The following UBE4A variants were observed in gnomAD, a reference collection of about 807,000 sequenced individuals.
The protein encoded by UBE4A is ubiquitination factor E4A.
In UBE4A, 48 loss-of-function variants were observed where a neutral mutation model predicts 117.9. The ratio of observed to expected loss-of-function variants is 0.41; its 90% confidence interval spans 0.32 to 0.52. The LOEUF (loss-of-function observed/expected upper bound fraction) is 0.52. Among genes scored for constraint, UBE4A ranks in the 20% least tolerant of loss-of-function variants. The pLI is 0.33. For missense variants in UBE4A, 1,067 were observed against 1,296.3 expected, an observed-to-expected ratio of 0.82 and a Z score of 2.72; for synonymous variants, 407 against 450.0, an observed-to-expected ratio of 0.90 and a Z score of 1.21.
Position 118,392,871 on chromosome 11 carries a change from C to G in UBE4A, c.3050C>G (p.Ser1017Cys), listed in dbSNP as rs1555128844. The G allele has an allele frequency of 6.2e-7, 1 of 1,613,984 alleles. No homozygotes were observed. The highest frequency in any genetic ancestry group is 8.5e-7 in the Non-Finnish European group (1 of 1,179,994). The part of the protein sequence containing the change: ...LPSSRVTVDR[S>C]TIARHLLSDQ... ...TCTTCCAGAGTCACTGTGGATAGAT[C>G]CACCATTGCAAGACATTTGCTCAGG... Residue 1017 changes from serine to cysteine, a missense_variant, in exon 19 of 20, where the codon TCC (serine) becomes TGC (cysteine). Around this residue, in one of 3 missense-constraint regions of UBE4A, gnomAD observed 34 missense variants for 77.7 expected, o/e 0.44. Coordinates refer to ENST00000252108, the MANE Select transcript of UBE4A (RefSeq NM_001204077.2).
At chr11:118,372,121 G>A (rs925319656) in intron 5 of UBE4A, among the ~76,000 whole-genome samples, 14 of 152,160 alleles carry the variant, frequency 9.2e-5, no homozygotes, top group Admixed American at 2.0e-4. Context: ...CGGGCATGGT[G>A]GCACACATTT....
chr11:118,373,853 TC>T (rs1948629262), intron 8 of UBE4A, 168 bp downstream of exon 8: 11 of 533,898 alleles, frequency 2.1e-5, no homozygotes, highest in Non-Finnish European at 2.6e-5. Flanking sequence ...AAGCCTGTAA[TC>T]CCGGCACTTT....
In UBE4A at chr11:118,397,790, AAATAG is replaced by A. The variant is rs1490989474; in HGVS notation, c.*1351_*1355del. On this transcript the variant is annotated 3_prime_UTR_variant, in exon 20 of 20. Coordinates refer to ENST00000252108, the MANE Select transcript of UBE4A (RefSeq NM_001204077.2). ...TTATTAACTATGGTCTCTTTCAAAT[AAATAG>A]TAGTTTTATATTTCAACACAAGTTG... The A allele has an allele frequency of 6.6e-6, 1 of 152,204 alleles. No individual in the cohort carries two copies. The highest frequency in any genetic ancestry group is 1.5e-5 in the Non-Finnish European group (1 of 68,044). The allele number at this position is 152,204 out of a possible 1,614,324, so 9.4% of individuals were successfully genotyped here. A position where few individuals can be genotyped will look rare whatever the true frequency, so the allele number is the denominator to read the frequency against.
rs1948682116 is a variant in UBE4A, at chr11:118,379,523, C to T, written c.1649C>T (p.Ser550Phe). Residue 550 changes from serine to phenylalanine, a missense_variant, in exon 11 of 20, where the codon TCT (serine) becomes TTT (phenylalanine). Coordinates refer to ENST00000252108, the MANE Select transcript of UBE4A (RefSeq NM_001204077.2). ...QVAWRDAQQSSSPAADNLREQ... is the reference protein window; with the variant it reads ...QVAWRDAQQSFSPAADNLREQ... ...GCCTGGCGGGATGCTCAGCAAAGTT[C>T]TAGCCCTGCTGCTGACAATCTTCGT... 2 of 1,614,200 alleles carry T rather than the reference C, an allele frequency of 1.2e-6. No homozygotes were observed. The highest frequency in any genetic ancestry group is 1.7e-6 in the Non-Finnish European group (2 of 1,180,026).
At chr11:118,384,997 TCAG>T in intron 15 of UBE4A, 52 bp downstream of exon 15, 1 of 1,443,116 alleles carries the variant, frequency 6.9e-7, no homozygotes, top group Non-Finnish European at 9.5e-7. Context: ...CATCAAATCA[TCAG>T]CAGTACATAC....
At position 118,398,946 on chromosome 11, in the gene UBE4A, C is replaced by T. The variant is rs1487304770; in HGVS notation, c.*2506C>T. The T allele has an allele frequency of 2.7e-6, 1 of 372,980 alleles. No individual in the cohort carries two copies. The highest frequency in any genetic ancestry group is 5.5e-6 in the Non-Finnish European group (1 of 181,800). 23.1% of individuals were successfully genotyped at this position (372,980 alleles called of 1,614,324 possible). ...TATTTGATGGTGGTTGCTAAGCAGCCATTGCACAGAGCATAAGTCTACTGG... is the reference window on the plus strand; with the variant it reads ...TATTTGATGGTGGTTGCTAAGCAGCTATTGCACAGAGCATAAGTCTACTGG... On this transcript the variant is annotated 3_prime_UTR_variant, in exon 20 of 20. Transcript: ENST00000252108.
At chr11:118,370,457 A>G (rs1471380507) in intron 4 of UBE4A, among the ~76,000 whole-genome samples, 1 of 152,076 alleles carries the variant, frequency 6.6e-6, no homozygotes, top group East Asian at 1.9e-4. Context: ...ATGTTTCTAC[A>G]AAAAATACAA....
intron 6 of UBE4A, 99 bp from the exon 7 acceptor site, chr11:118,372,987 A>T (rs1352397978): frequency 1.4e-5 from 5 of 360,356 alleles, no homozygotes; most frequent in Non-Finnish European, 1.8e-5. Flanking sequence ...CCCAGCTCTA[A>T]AAAAAAAAAA....
chr11:118,382,700 T>G lies in UBE4A; in HGVS notation c.2121T>G (p.Arg707=), dbSNP rs915645863. The G allele has an allele frequency of 3.7e-6, 6 of 1,605,674 alleles. No homozygotes were observed. The highest frequency in any genetic ancestry group is 1.3e-5 in the African/African-American group (1 of 74,668). ...TATCCAGTGTGTTCCACCGGAAACG[T>G]GTGTTCTGCAACTTTCAGTATGCAC... is the stretch of plus-strand genomic sequence containing the variant. ...PLVSSVFHRK[R]VFCNFQYAPQ... Residue 707 remains arginine (R), a synonymous_variant, in exon 13 of 20, where the codon CGT becomes CGG. Coordinates refer to ENST00000252108, the MANE Select transcript of UBE4A (RefSeq NM_001204077.2).
chr11:118,396,061 C>T lies in UBE4A; in HGVS notation c.3075-253C>T, dbSNP rs540191377. ...CTGCACTCCATCCTGGGTGCCACTGCACCAGCCTGGGCGACAGGGCAAGAC... is the reference window on the plus strand; with the variant it reads ...CTGCACTCCATCCTGGGTGCCACTGTACCAGCCTGGGCGACAGGGCAAGAC... On this transcript the variant is annotated intron_variant, in intron 19 of 19. Transcript: ENST00000252108. 2.3e-4 allele frequency among the ~76,000 whole-genome samples: 35 copies of T among 149,246 alleles called. 1 individual carries two copies. In the East Asian group the frequency reaches 6.9e-3, roughly 29 times the overall value.
intron 1 of UBE4A, among the ~76,000 whole-genome samples, chr11:118,363,508 G>A (rs954407111): frequency 6.6e-6 from 1 of 151,996 alleles, no homozygotes; most frequent in African/African-American, 2.4e-5. Flanking sequence ...TGGCAGAGGA[G>A]CATGAAGCAA....
intron 5 of UBE4A, 88 bp from the exon 6 acceptor site, chr11:118,372,419 T>G: frequency 1.5e-6 from 2 of 1,329,886 alleles, no homozygotes; most frequent in Non-Finnish European, 1.0e-6. Flanking sequence ...AGGAGACCAG[T>G]ATGTCTCTTC....
chr11:118,364,562 A>G lies in UBE4A; in HGVS notation c.-41-478A>G, dbSNP rs540073197. On this transcript the variant is annotated intron_variant, in intron 1 of 19. Coordinates refer to ENST00000252108, the MANE Select transcript of UBE4A (RefSeq NM_001204077.2). Reference sequence around the variant, plus strand: ...TACTTAATTTATATGTAGCTGAGAAATATCCATCCCCAGCCCTAAGTCATA... The same window carrying G: ...TACTTAATTTATATGTAGCTGAGAAGTATCCATCCCCAGCCCTAAGTCATA... 9.2e-5 allele frequency among the ~76,000 whole-genome samples: 14 copies of G among 152,204 alleles called. 1 individual carries two copies. The South Asian group carries it at 1.7e-3, about 18-fold the overall frequency.
intron 16 of UBE4A, 47 bp from the exon 17 acceptor site, chr11:118,389,678 A>T: frequency 1.3e-6 from 2 of 1,485,812 alleles, no homozygotes; most frequent in Non-Finnish European, 1.8e-6. Context: ...AATAAGGAAA[A>T]GAGTGCTAAT....
chr11:118,376,052 G>C (rs1484897526), intron 9 of UBE4A, among the ~76,000 whole-genome samples: 1 of 152,174 alleles, frequency 6.6e-6, no homozygotes, highest in Admixed American at 6.5e-5. Context: ...CTTGACTAAG[G>C]AATGGTGAGA....
intron 17 of UBE4A, 148 bp from the exon 18 acceptor site, chr11:118,390,509 A>G (rs1948805088): frequency 5.4e-6 from 1 of 185,514 alleles, no homozygotes; most frequent in Admixed American, 4.9e-5. Flanking sequence ...ATATATTATA[A>G]ATAATATATA....
At chr11:118,373,359 A>T in intron 7 of UBE4A, 71 bp downstream of exon 7, 1 of 1,546,432 alleles carries the variant, frequency 6.5e-7, no homozygotes, top group Admixed American at 1.9e-5. Flanking sequence ...TATCCTGAAG[A>T]CACTATAATA....
chr11:118,375,146 G>A lies in UBE4A; in HGVS notation c.1367G>A (p.Arg456Gln), dbSNP rs1555125175. The change falls in exon 9 of 20, where the codon CGG becomes CAG. Residue 456 changes from arginine (R) to glutamine (Q), a missense_variant. Arg to Gln is a conservative substitution (Grantham distance 43, BLOSUM62 1). Around this residue, in one of 3 missense-constraint regions of UBE4A, gnomAD observed 1,001 missense variants for 1,184.0 expected, o/e 0.85. Transcript: ENST00000252108. ...CCATTTTGCAAACCCAGATCCTCTCGGCTCCTCACCTTTAATCCCACATAC... is the reference window on the plus strand; with the variant it reads ...CCATTTTGCAAACCCAGATCCTCTCAGCTCCTCACCTTTAATCCCACATAC... ...CQPFCKPRSS[R>Q]LLTFNPTYCA... 9 of 1,614,022 alleles carry A rather than the reference G, an allele frequency of 5.6e-6. No homozygotes were observed. The highest frequency in any genetic ancestry group is 1.1e-5 in the South Asian group (1 of 91,070).
intron 1 of UBE4A, 30 bp from the exon 2 acceptor site, chr11:118,365,010 T>A: frequency 6.5e-7 from 1 of 1,527,516 alleles, no homozygotes; most frequent in East Asian, 2.4e-5. Context: ...TCATCTGCCC[T>A]CTTGTGTCTA....
Sources: gnomAD v4.1 joint callset for allele counts (sites outside exome capture counted in the v4.1 genomes callset) on GRCh38, gnomAD v4.1.1 for gene constraint, gnomAD v4.1.1 regional missense constraint, MANE v1.5 for transcripts, NCBI Gene and HGNC (gene_info 2026-07-23, HGNC 2026-07-21) for gene names.